Variants in RSPO2 observed in about 807,000 individuals in gnomAD.
RSPO2 encodes R-spondin-2.
A neutral mutation model predicts 30.9 loss-of-function variants in RSPO2; 14 were observed. That is an observed-to-expected ratio of 0.45 (90% CI 0.30 to 0.71). The LOEUF (loss-of-function observed/expected upper bound fraction) is 0.71, where lower values mean the gene tolerates loss of function less well. Among genes scored for constraint, RSPO2 ranks in the 30% least tolerant of loss-of-function variants. RSPO2 has a pLI of 0.08. For missense variants in RSPO2, 264 were observed against 301.9 expected (o/e 0.87, Z 0.93); for synonymous variants, 107 against 96.4 (o/e 1.11, Z -0.64).
At chr8:108,065,995 G>A (rs2130714981) in intron 2 of RSPO2, among the ~76,000 whole-genome samples, 1 of 152,210 alleles carries the variant, frequency 6.6e-6, no homozygotes, top group South Asian at 2.1e-4. Flanking sequence ...CAGAGATCGT[G>A]CCATTGCACT....
At position 107,900,039 on chromosome 8, in the gene RSPO2, AGTCAGAAATAATGTTTGT is replaced by A. The variant is rs1811393889; in HGVS notation, c.*1018_*1035del. 1 of 152,168 alleles carries A rather than the reference AGTCAGAAATAATGTTTGT, an allele frequency of 6.6e-6. No homozygotes were observed. Among genetic ancestry groups the A allele is most frequent in the African/African-American group, 2.4e-5 (1 of 41,414 alleles). 9.4% of individuals were successfully genotyped at this position (152,168 alleles called of 1,614,324 possible). The stretch of plus-strand genomic sequence containing the variant: ...TTTAAATTTGGGGGAAAAAAATTGC[AGTCAGAAATAATGTTTGT>A]TTGGACAATTCTGTAGCTGGCCTGT... On this transcript the variant is annotated 3_prime_UTR_variant, in exon 6 of 6. Transcript: ENST00000276659.
At chr8:107,975,048 C>A (rs1291060939) in intron 3 of RSPO2, among the ~76,000 whole-genome samples, 2 of 152,002 alleles carry the variant, frequency 1.3e-5, no homozygotes, top group African/African-American at 4.8e-5. Flanking sequence ...ATAAAAGAAC[C>A]ACCTGATTAT....
chr8:108,002,961 A>G (rs182208886), intron 2 of RSPO2, among the ~76,000 whole-genome samples: 2 of 152,248 alleles, frequency 1.3e-5, no homozygotes, highest in Admixed American at 1.3e-4. Context: ...GTTTTCTACA[A>G]TGTAGTTCAC....
chr8:107,975,958 C>T (rs953601252), intron 3 of RSPO2, among the ~76,000 whole-genome samples: 3 of 152,184 alleles, frequency 2.0e-5, no homozygotes, highest in East Asian at 3.9e-4. Context: ...CATCAAGTGA[C>T]GGCCAGGGTA....
intron 3 of RSPO2, among the ~76,000 whole-genome samples, chr8:107,988,538 T>A (rs1216202051): frequency 1.3e-5 from 2 of 152,088 alleles, no homozygotes; most frequent in Non-Finnish European, 2.9e-5. Flanking sequence ...TAAAATAAAG[T>A]GTGTATGTGG....
rs370253310 is a variant in RSPO2, at chr8:107,979,676, T to TA, written c.283+9379dup. Among the ~76,000 whole-genome samples the TA allele has an allele frequency of 9.6e-4, 139 of 145,368 alleles. 5 individuals carry two copies. The East Asian group carries it at 0.018, about 19-fold the overall frequency. On this transcript the variant is annotated intron_variant, in intron 3 of 5. Transcript: ENST00000276659. ...TGTACCCTAAAACTTAAATAATAAT[T>TA]AAAAAAAAAAAGGCAGAAATCTGTG...
chr8:108,078,933 T>C (rs968391125), intron 2 of RSPO2, among the ~76,000 whole-genome samples: 7 of 152,234 alleles, frequency 4.6e-5, no homozygotes, highest in African/African-American at 1.7e-4. Flanking sequence ...ATTAAGTCAT[T>C]ACATGCCATG....
intron 2 of RSPO2, among the ~76,000 whole-genome samples, chr8:107,991,190 T>C (rs998472113): frequency 6.6e-6 from 1 of 150,932 alleles, no homozygotes; most frequent in Non-Finnish European, 1.5e-5. Flanking sequence ...GAGGTTGTGG[T>C]GAACCAAGAT....
intron 5 of RSPO2, among the ~76,000 whole-genome samples, chr8:107,936,246 T>A (rs376723896): frequency 1.3e-5 from 2 of 152,176 alleles, no homozygotes; most frequent in African/African-American, 4.8e-5. Flanking sequence ...TGACCTCCAG[T>A]TTTAACCATG....
At chr8:108,006,185 C>T (rs919551544) in intron 2 of RSPO2, among the ~76,000 whole-genome samples, 1 of 152,098 alleles carries the variant, frequency 6.6e-6, no homozygotes, top group Non-Finnish European at 1.5e-5. Flanking sequence ...ATAAGAACAT[C>T]TTTACATAAT....
intron 3 of RSPO2, among the ~76,000 whole-genome samples, chr8:107,987,135 C>A (rs572832520): frequency 7.6e-4 from 115 of 152,240 alleles, no homozygotes; most frequent in African/African-American, 2.4e-3. Context: ...ACCTTAGGAT[C>A]AAGTTTGATT....
chr8:107,980,674 TC>T (rs1322890605), intron 3 of RSPO2, among the ~76,000 whole-genome samples: 2 of 152,262 alleles, frequency 1.3e-5, no homozygotes, highest in East Asian at 3.9e-4. Flanking sequence ...CTTTCACCCC[TC>T]ATGCTCATGC....
At chr8:108,016,519 A>G (rs1310972436) in intron 2 of RSPO2, among the ~76,000 whole-genome samples, 1 of 152,234 alleles carries the variant, frequency 6.6e-6, no homozygotes, top group Non-Finnish European at 1.5e-5. Context: ...TTTACAGTTG[A>G]ATTTGAGAAG....
intron 2 of RSPO2, among the ~76,000 whole-genome samples, chr8:108,004,613 C>T (rs973670001): frequency 1.3e-5 from 2 of 152,176 alleles, no homozygotes; most frequent in African/African-American, 4.8e-5. Context: ...CCTGCATCTA[C>T]ATTCATGGAA....
At chr8:107,970,009 C>A (rs767044000) in intron 3 of RSPO2, among the ~76,000 whole-genome samples, 32 of 152,146 alleles carry the variant, frequency 2.1e-4, no homozygotes, top group Non-Finnish European at 4.4e-4. Flanking sequence ...ATATGTGGTG[C>A]CCTCCACTCA....
At chr8:107,941,864 A>G (rs1009076882) in intron 5 of RSPO2, among the ~76,000 whole-genome samples, 1 of 152,214 alleles carries the variant, frequency 6.6e-6, no homozygotes, top group Admixed American at 6.5e-5. Context: ...AAGGAAAAAA[A>G]CATGAAAAGG....
intron 2 of RSPO2, among the ~76,000 whole-genome samples, chr8:108,025,101 G>GTA (rs543226820): frequency 2.0e-3 from 307 of 152,294 alleles, no homozygotes; most frequent in African/African-American, 7.1e-3. Context: ...GTATAAATGT[G>GTA]TATACACACA....
At chr8:108,079,634 T>C (rs1180064633) in intron 2 of RSPO2, among the ~76,000 whole-genome samples, 1 of 150,652 alleles carries the variant, frequency 6.6e-6, no homozygotes, top group African/African-American at 2.4e-5. Context: ...AGACTAAACA[T>C]AATGCCAAAG....
intron 5 of RSPO2, among the ~76,000 whole-genome samples, chr8:107,945,241 C>CTTTTTTTTTTTTTT (rs754722790): frequency 2.7e-5 from 2 of 74,820 alleles, no homozygotes; most frequent in African/African-American, 5.5e-5. Flanking sequence ...ATTCTTTTAC[C>CTTTTTTTTTTTTTT]TTTTTTTTTT....
Sources: gnomAD v4.1 joint callset for allele counts (sites outside exome capture counted in the v4.1 genomes callset) on GRCh38, gnomAD v4.1.1 for gene constraint, MANE v1.5 for transcripts, NCBI Gene and HGNC (gene_info 2026-07-23, HGNC 2026-07-21) for gene names.